Variants in COL4A4 observed in about 807,000 individuals in gnomAD.
COL4A4 encodes collagen type IV alpha 4 chain.
A neutral mutation model predicts 192.9 loss-of-function variants in COL4A4; 105 were observed. The observed-to-expected ratio is 0.54, with a 90% CI of 0.46 to 0.64. The LOEUF (loss-of-function observed/expected upper bound fraction) is 0.64, where lower values mean the gene tolerates loss of function less well. COL4A4 is among the 30% of genes least tolerant of loss of function. The pLI, the probability that COL4A4 is intolerant of heterozygous loss-of-function variation, is 0.00. For synonymous variants in COL4A4, 762 were observed against 769.9 expected, an observed-to-expected ratio of 0.99 and a Z score of 0.17; for missense variants, 1,967 against 2,169.3, an observed-to-expected ratio of 0.91 and a Z score of 1.85.
intron 3 of COL4A4, 45 bp downstream of exon 3, chr2:227,144,471 A>C: frequency 6.5e-7 from 1 of 1,535,876 alleles, no homozygotes; most frequent in East Asian, 2.3e-5. Context: ...TGCATTCTAT[A>C]AAGTGAATTT....
chr2:227,053,686 T>C (rs1228765095), intron 31 of COL4A4, among the ~76,000 whole-genome samples: 1 of 151,708 alleles, frequency 6.6e-6, no homozygotes, highest in African/African-American at 2.4e-5. Flanking sequence ...TAGCTGGGAC[T>C]ACAGGTGCCC....
chr2:227,042,931 T>G, intron 36 of COL4A4, 146 bp downstream of exon 36: 6 of 671,214 alleles, frequency 8.9e-6, no homozygotes, highest in East Asian at 2.7e-5. Flanking sequence ...GAGGCATAGG[T>G]GAGCTTAAGT....
intron 1 of COL4A4, among the ~76,000 whole-genome samples, chr2:227,154,306 T>C (rs1446142387): frequency 6.6e-6 from 1 of 152,150 alleles, no homozygotes; most frequent in Non-Finnish European, 1.5e-5. Flanking sequence ...TCTGAGATCT[T>C]CCAAATCATT....
chr2:227,015,990 T>C (rs1186482435), intron 44 of COL4A4, among the ~76,000 whole-genome samples: 1 of 152,194 alleles, frequency 6.6e-6, no homozygotes. Context: ...CCCCATAGGC[T>C]AAAGGTACAT....
chr2:227,092,499 A>T (rs1011132203), intron 20 of COL4A4, among the ~76,000 whole-genome samples: 13 of 152,186 alleles, frequency 8.5e-5, no homozygotes, highest in Admixed American at 8.5e-4. Context: ...AATCTGAACA[A>T]CTCAAAAAGC....
intron 37 of COL4A4, among the ~76,000 whole-genome samples, chr2:227,040,913 T>C (rs1432434665): frequency 1.3e-5 from 2 of 152,128 alleles, no homozygotes; most frequent in Non-Finnish European, 2.9e-5. Flanking sequence ...GTTGATACCA[T>C]GGATGAATGT....
At chr2:226,982,989 G>A in the COL4A4 span, among the ~76,000 whole-genome samples, 1 of 152,214 alleles carries the variant, frequency 6.6e-6, no homozygotes, top group Non-Finnish European at 1.5e-5. Context: ...GTTGAGCATA[G>A]CATAACCTAG....
chr2:227,001,390 A>AT (rs58373233), downstream of COL4A4, among the ~76,000 whole-genome samples: 2 of 151,766 alleles, frequency 1.3e-5, no homozygotes, highest in Non-Finnish European at 2.9e-5. Flanking sequence ...GGCCTGTGGG[A>AT]TTCCCCCAAA....
rs1226486231 is a variant in COL4A4 at position 227,022,151 on chromosome 2, A to G, written c.4113T>C (p.Asp1371=). ...GPRGEPGPPA[D]VDDCPRIPGL... is the part of the protein sequence containing the mutation. ...CTGGGATTCGGGGACAGTCATCCAC[A>G]TCTGCAGGTGGCCCCGGTTCACCTG... The change falls in exon 44 of 48, where the codon GAT becomes GAC. Residue 1371 remains aspartate, a synonymous_variant. Coordinates refer to ENST00000396625, the MANE Select transcript of COL4A4 (RefSeq NM_000092.5). 4 of 1,613,974 alleles carry G rather than the reference A, an allele frequency of 2.5e-6. No homozygotes were observed. Among genetic ancestry groups the G allele is most frequent in the Middle Eastern group, 3.3e-4 (2 of 6,084 alleles).
chr2:227,131,153 T>G (rs1487620968), intron 4 of COL4A4, among the ~76,000 whole-genome samples: 2 of 151,934 alleles, frequency 1.3e-5, no homozygotes, highest in East Asian at 3.9e-4. Flanking sequence ...TTTTTTTTTT[T>G]TCTTTCTTTC....
Position 227,045,886 on chromosome 2 carries a change from A to ATATATG in COL4A4, c.3289+1588_3289+1589insCATATA, listed in dbSNP as rs1488212020. Among the ~76,000 whole-genome samples the ATATATG allele has an allele frequency of 8.5e-4, 93 of 109,124 alleles. 27 individuals are homozygous for ATATATG. Among genetic ancestry groups the ATATATG allele is most frequent in the African/African-American group, 2.2e-3 (63 of 29,248 alleles). 71.6% of individuals were successfully genotyped at this position (109,124 alleles called of 152,430 possible). ...TACACATATATATACATATATATGT[A>ATATATG]TATATATTTAGATAGTATATATATG... On this transcript the variant is annotated intron_variant, in intron 35 of 47. Coordinates refer to ENST00000396625, the MANE Select transcript of COL4A4 (RefSeq NM_000092.5).
At chr2:227,130,164 C>G (rs2062355107) in intron 4 of COL4A4, among the ~76,000 whole-genome samples, 1 of 152,160 alleles carries the variant, frequency 6.6e-6, no homozygotes, top group African/African-American at 2.4e-5. Context: ...TTTCTTGTAC[C>G]TTAAAGTAAC....
intron 8 of COL4A4, 32 bp from the exon 9 acceptor site, chr2:227,111,745 C>T (rs371187343): frequency 1.1e-4 from 177 of 1,606,274 alleles, no homozygotes; most frequent in Non-Finnish European, 1.4e-4. Context: ...GCTTTAAGTC[C>T]ACACAATGTT....
intron 44 of COL4A4, among the ~76,000 whole-genome samples, chr2:227,021,676 T>G (rs929688650): frequency 4.0e-5 from 6 of 151,828 alleles, no homozygotes; most frequent in Non-Finnish European, 8.8e-5. Flanking sequence ...ATACAAAAAA[T>G]TAGCTGAGCG....
chr2:226,969,205 G>A, the COL4A4 span: 1 of 152,210 alleles, frequency 6.6e-6, no homozygotes, highest in African/African-American at 2.4e-5. Flanking sequence ...CGAAGGCTCG[G>A]CCGGTAACAG....
At chr2:227,093,546 C>A (rs774732735) in intron 20 of COL4A4, among the ~76,000 whole-genome samples, 19 of 152,002 alleles carry the variant, frequency 1.2e-4, no homozygotes, top group Non-Finnish European at 2.5e-4. Flanking sequence ...TCCCGTGGCA[C>A]CCACCCAGAA....
chr2:227,157,247 T>C (rs996753619), intron 1 of COL4A4, among the ~76,000 whole-genome samples: 4 of 152,082 alleles, frequency 2.6e-5, no homozygotes, highest in African/African-American at 9.7e-5. Flanking sequence ...TGTTTTGAGC[T>C]GAATGATAAT....
chr2:226,978,364 G>T, the COL4A4 span, among the ~76,000 whole-genome samples: 1 of 152,146 alleles, frequency 6.6e-6, no homozygotes, highest in Non-Finnish European at 1.5e-5. Context: ...GTAGAGAAAG[G>T]TTGGATGGTA....
the COL4A4 span, among the ~76,000 whole-genome samples, chr2:226,977,118 T>A: frequency 1.3e-5 from 2 of 152,152 alleles, no homozygotes; most frequent in African/African-American, 4.8e-5. Flanking sequence ...TTTTGGTCAT[T>A]TGTTTCTGTG....
Sources: gnomAD v4.1 joint callset for allele counts (sites outside exome capture counted in the v4.1 genomes callset) on GRCh38, gnomAD v4.1.1 for gene constraint, MANE v1.5 for transcripts, NCBI Gene and HGNC (gene_info 2026-07-23, HGNC 2026-07-21) for gene names.